The following AKT3 variants were observed in gnomAD, a reference collection of about 807,000 sequenced individuals.
The protein encoded by AKT3 is AKT serine/threonine kinase 3.
In AKT3, 15 loss-of-function variants were observed where a neutral mutation model predicts 65.3. The observed-to-expected ratio is 0.23, with a 90% CI of 0.15 to 0.35. The LOEUF is 0.35. AKT3 is among the 10% of genes least tolerant of loss of function. The pLI, the probability that AKT3 is intolerant of heterozygous loss-of-function variation, is 1.00. For synonymous variants in AKT3, 206 were observed against 183.8 expected, an observed-to-expected ratio of 1.12 and a Z score of -0.98; for missense variants, 243 against 576.5, an observed-to-expected ratio of 0.42 and a Z score of 5.92.
intron 8 of AKT3, among the ~76,000 whole-genome samples, chr1:243,602,230 T>C (rs1222664961): frequency 6.6e-6 from 1 of 152,194 alleles, no homozygotes; most frequent in Admixed American, 6.5e-5. Context: ...ATTATGAAAT[T>C]ATATACTAAA....
intron 3 of AKT3, among the ~76,000 whole-genome samples, chr1:243,676,633 C>G (rs1327596246): frequency 1.3e-5 from 2 of 152,158 alleles, no homozygotes; most frequent in Admixed American, 1.3e-4. Context: ...AATTACTATA[C>G]CAGTACAGTT....
intron 2 of AKT3, among the ~76,000 whole-genome samples, chr1:243,772,319 C>A (rs1159872746): frequency 6.6e-6 from 1 of 151,902 alleles, no homozygotes; most frequent in Non-Finnish European, 1.5e-5. Flanking sequence ...CCAGAATCTA[C>A]AAAGAACTCA....
intron 6 of AKT3, among the ~76,000 whole-genome samples, chr1:243,626,414 A>G (rs372506569): frequency 3.9e-5 from 6 of 152,220 alleles, no homozygotes; most frequent in Non-Finnish European, 7.4e-5. Flanking sequence ...TAGTCCCCCA[A>G]CACTGAAGGG....
At chr1:243,748,978 T>C (rs900334116) in intron 2 of AKT3, among the ~76,000 whole-genome samples, 1 of 152,138 alleles carries the variant, frequency 6.6e-6, no homozygotes, top group African/African-American at 2.4e-5. Context: ...TCACACACTG[T>C]TGCATGAATA....
intron 2 of AKT3, among the ~76,000 whole-genome samples, chr1:243,717,781 A>G (rs182035790): frequency 2.0e-5 from 3 of 152,296 alleles, no homozygotes; most frequent in Admixed American, 2.0e-4. Context: ...TATATTGGTG[A>G]TTTTACAGAT....
At chr1:243,581,814 A>G (rs916469234) in intron 8 of AKT3, among the ~76,000 whole-genome samples, 1 of 152,016 alleles carries the variant, frequency 6.6e-6, no homozygotes, top group Admixed American at 6.5e-5. Context: ...ATGAGATCCA[A>G]GACAAAGTTG....
intron 6 of AKT3, among the ~76,000 whole-genome samples, chr1:243,627,866 A>T (rs1679296150): frequency 6.6e-6 from 1 of 152,238 alleles, no homozygotes; most frequent in Non-Finnish European, 1.5e-5. Context: ...TCCAATCCGT[A>T]AAACTACCTG....
At chr1:243,763,186 A>G (rs539903287) in intron 2 of AKT3, among the ~76,000 whole-genome samples, 3 of 152,244 alleles carry the variant, frequency 2.0e-5, no homozygotes, top group Non-Finnish European at 2.9e-5. Flanking sequence ...CAGCCTACTC[A>G]GTAGAATTTT....
chr1:243,771,082 T>C (rs1255266642), intron 2 of AKT3, among the ~76,000 whole-genome samples: 1 of 152,222 alleles, frequency 6.6e-6, no homozygotes, highest in Non-Finnish European at 1.5e-5. Context: ...AGGGAAATGC[T>C]GTTTGTGCAA....
intron 2 of AKT3, among the ~76,000 whole-genome samples, chr1:243,836,766 C>T (rs1694918351): frequency 6.6e-6 from 1 of 151,778 alleles, no homozygotes. Context: ...GAAAATTAGC[C>T]AGGCATGGTG....
rs200620166 is a variant in AKT3 at position 243,843,212 on chromosome 1, T to C, written c.-42A>G. ...GCCCCCAACTTGGAGAAATGGTACT[T>C]TGTGATATCAGCTTTAGGGTTTGGA... On this transcript the variant is annotated 5_prime_UTR_variant, in exon 2 of 14. Coordinates refer to ENST00000673466, the MANE Select transcript of AKT3 (RefSeq NM_005465.7). The C allele has an allele frequency of 2.5e-6, 4 of 1,607,866 alleles. No homozygotes were observed. Among genetic ancestry groups the C allele is most frequent in the Non-Finnish European group, 3.4e-6 (4 of 1,176,590 alleles).
At chr1:243,677,249 A>T (rs554654703) in intron 3 of AKT3, among the ~76,000 whole-genome samples, 1 of 152,160 alleles carries the variant, frequency 6.6e-6, no homozygotes, top group African/African-American at 2.4e-5. Context: ...CTCTTATTCC[A>T]ACTCATACTC....
At chr1:243,731,724 C>T (rs1294773091) in intron 2 of AKT3, among the ~76,000 whole-genome samples, 1 of 152,280 alleles carries the variant, frequency 6.6e-6, no homozygotes, top group East Asian at 1.9e-4. Context: ...TCAGTAAGCT[C>T]AAGTCAGTAA....
Position 243,552,849 on chromosome 1 carries a change from T to C in AKT3, c.1043A>G (p.Asn348Ser). Residue 348 changes from asparagine to serine, a missense_variant, in exon 11 of 14, where the codon AAC (asparagine) becomes AGC (serine). Asn to Ser is a conservative substitution (Grantham distance 46, BLOSUM62 1). This residue lies in a region of AKT3 where 20 missense variants were observed against 68.4 expected (regional missense o/e 0.29). Transcript: ENST00000673466. Reference sequence around the variant, plus strand: ...TTCAAAAAGTTTCTCATGGTCCTGGTTGTAGAAAGGTAACCTCCCACACAT... The same window carrying C: ...TTCAAAAAGTTTCTCATGGTCCTGGCTGTAGAAAGGTAACCTCCCACACAT... ...EMMCGRLPFYNQDHEKLFELI... is the reference protein window; with the variant it reads ...EMMCGRLPFYSQDHEKLFELI... 1 of 1,614,048 alleles carries C rather than the reference T, an allele frequency of 6.2e-7. No homozygotes were observed. The highest frequency in any genetic ancestry group is 1.1e-5 in the South Asian group (1 of 91,080).
chr1:243,741,103 GT>G (rs1241104288), intron 2 of AKT3, among the ~76,000 whole-genome samples: 1 of 152,106 alleles, frequency 6.6e-6, no homozygotes, highest in African/African-American at 2.4e-5. Context: ...ATAACTGTAT[GT>G]TCCATATATC....
Position 243,552,785 on chromosome 1 carries a change from G to A in AKT3, c.1107C>T (p.Leu369=), listed in dbSNP as rs530726609. The A allele has an allele frequency of 2.5e-6, 4 of 1,613,972 alleles. No homozygotes were observed. The African/African-American group carries it at 5.3e-5, about 22-fold the overall frequency. Residue 369 remains leucine (L), a synonymous_variant, in exon 11 of 14, where the codon CTC becomes CTT. Transcript: ENST00000673466. The part of the protein sequence containing the change: ...LMEDIKFPRT[L]SSDAKSLLSG... Reference sequence around the variant, plus strand: ...AAAGCAATGATTTTGCATCTGAAGAGAGTGTTCGAGGAAATTTAATGTCTT... The same window carrying A: ...AAAGCAATGATTTTGCATCTGAAGAAAGTGTTCGAGGAAATTTAATGTCTT...
chr1:243,662,631 C>T (rs1288215950), intron 4 of AKT3, among the ~76,000 whole-genome samples: 1 of 151,290 alleles, frequency 6.6e-6, no homozygotes, highest in Admixed American at 6.6e-5. Flanking sequence ...GGGTGCAGCG[C>T]ACCAGCATGG....
At chr1:243,492,604 G>GTTTTTTTTTTTTTTT (rs74162289) in intron 13 of AKT3, among the ~76,000 whole-genome samples, 2 of 58,876 alleles carry the variant, frequency 3.4e-5, no homozygotes, top group Non-Finnish European at 3.0e-5. Context: ...GCGCCCAGCT[G>GTTTTTTTTTTTTTTT]TTTTTTTTTT....
chr1:243,771,813 A>AC (rs1465469839), intron 2 of AKT3, among the ~76,000 whole-genome samples: 1 of 152,140 alleles, frequency 6.6e-6, no homozygotes, highest in African/African-American at 2.4e-5. Flanking sequence ...AGTAACCAAA[A>AC]CAGCATGGTA....
Sources: gnomAD v4.1 joint callset for allele counts (sites outside exome capture counted in the v4.1 genomes callset) on GRCh38, gnomAD v4.1.1 for gene constraint, gnomAD v4.1.1 regional missense constraint, MANE v1.5 for transcripts, NCBI Gene and HGNC (gene_info 2026-07-23, HGNC 2026-07-21) for gene names.